KDF1: variants seen among roughly 807,000 people sequenced by gnomAD.
The protein encoded by KDF1 is keratinocyte differentiation factor 1.
In KDF1, 11 loss-of-function variants were observed where a neutral mutation model predicts 31.6. The observed-to-expected ratio is 0.35, with a 90% CI of 0.22 to 0.58. KDF1 has a LOEUF of 0.58. Among genes scored for constraint, KDF1 ranks in the 20% least tolerant of loss-of-function variants. The pLI is 0.83. For synonymous variants in KDF1, 205 were observed against 214.4 expected (o/e 0.96, Z 0.38); for missense variants, 476 against 549.1 (o/e 0.87, Z 1.33).
At chr1:26,953,822 G>C (rs973668934) in intron 1 of KDF1, among the ~76,000 whole-genome samples, 2 of 152,214 alleles carry the variant, frequency 1.3e-5, no homozygotes, top group African/African-American at 4.8e-5. Context: ...GGGCGTGGTG[G>C]TGCACACCTG....
chr1:26,955,911 C>T (rs1363493241), intron 1 of KDF1, among the ~76,000 whole-genome samples: 1 of 152,160 alleles, frequency 6.6e-6, no homozygotes, highest in African/African-American at 2.4e-5. Flanking sequence ...GCCCAGATCG[C>T]ACCACTGCAC....
intron 1 of KDF1, among the ~76,000 whole-genome samples, chr1:26,955,739 G>A (rs552821095): frequency 1.1e-4 from 16 of 152,228 alleles, no homozygotes; most frequent in South Asian, 8.3e-4. Flanking sequence ...GGTGGATCAC[G>A]AGGTCAGGAT....
Position 26,952,232 on chromosome 1 carries a change from G to C in KDF1, c.149C>G (p.Pro50Arg), listed in dbSNP as rs2124158205. ...RRTRRPDPKD[P>R]GHHGPESITF... Reference sequence around the variant, plus strand: ...AATGCTCTCTGGCCCATGGTGGCCAGGGTCCTTGGGGTCTGGTCTACGGGT... The same window carrying C: ...AATGCTCTCTGGCCCATGGTGGCCACGGTCCTTGGGGTCTGGTCTACGGGT... The change falls in exon 2 of 4, where the codon CCT becomes CGT. Residue 50 changes from proline (P) to arginine (R), a missense_variant. By Grantham distance (103) the Pro-to-Arg change is moderately radical. This residue lies in a region of KDF1 where 330 missense variants were observed against 332.3 expected (regional missense o/e 0.99). Transcript: ENST00000320567. This position sits in a 1 kb window ranked among gnomAD's most constrained non-coding sequence, Gnocchi z 4.1. The C allele has an allele frequency of 6.2e-7, 1 of 1,605,278 alleles. No homozygotes were observed. Among genetic ancestry groups the C allele is most frequent in the Non-Finnish European group, 8.5e-7 (1 of 1,174,470 alleles).
In KDF1 at chr1:26,952,252, A is replaced by G. The variant is rs1419802384; in HGVS notation, c.129T>C (p.Arg43=). The G allele has an allele frequency of 1.0e-5, 16 of 1,593,682 alleles. No homozygotes were observed. Among genetic ancestry groups the G allele is most frequent in the Non-Finnish European group, 1.3e-5 (15 of 1,168,344 alleles). ...PPQPPPSRRT[R]RPDPKDPGHH... is the part of the protein sequence containing the mutation. ...GGCCAGGGTCCTTGGGGTCTGGTCT[A>G]CGGGTGCGGCGGCTTGGTGGGGGCT... Residue 43 remains arginine, a synonymous_variant, in exon 2 of 4, where the codon CGT becomes CGC. Transcript: ENST00000320567. This position sits in a 1 kb window ranked among gnomAD's most constrained non-coding sequence, Gnocchi z 4.1.
Position 26,949,969 on chromosome 1 carries a change from T to C in KDF1, c.*100A>G. 8.0e-7 allele frequency: 1 copy of C among 1,256,628 alleles called. No homozygotes were observed. Among genetic ancestry groups the C allele is most frequent in the Non-Finnish European group, 1.1e-6 (1 of 882,296 alleles). The allele number at this position is 1,256,628 out of a possible 1,614,324, so 77.8% of individuals were successfully genotyped here. ...CAGGAGGAGCCAGAGTGGGCACTGC[T>C]TCAGGTCTAAGCCTCTCCCACAGGG... On this transcript the variant is annotated 3_prime_UTR_variant, in exon 4 of 4. Coordinates refer to ENST00000320567, the MANE Select transcript of KDF1 (RefSeq NM_152365.3).
chr1:26,952,080 G>T lies in KDF1; in HGVS notation c.301C>A (p.Arg101Ser). 2 of 1,613,354 alleles carry T rather than the reference G, an allele frequency of 1.2e-6. No homozygotes were observed. Among genetic ancestry groups the T allele is most frequent in the East Asian group, 2.2e-5 (1 of 44,882 alleles). The change falls in exon 2 of 4, where the codon CGC (arginine) becomes AGC (serine). Residue 101 changes from arginine (R) to serine (S), a missense_variant. Arg to Ser is a moderately radical substitution (Grantham distance 110). This residue lies in a region of KDF1 where 330 missense variants were observed against 332.3 expected (regional missense o/e 0.99). Coordinates refer to ENST00000320567, the MANE Select transcript of KDF1 (RefSeq NM_152365.3). This position sits in a 1 kb window ranked among gnomAD's most constrained non-coding sequence, Gnocchi z 4.1. Reference protein sequence around the residue: ...CFRRCRDCLQRCGACVRGCSP... With the variant: ...CFRRCRDCLQSCGACVRGCSP... ...CATCCCCGCACACAGGCTCCACAGC[G>T]CTGGAGGCAATCCCGGCAGCGGCGG...
At position 26,952,102 on chromosome 1, in the gene KDF1, G is replaced by A; in HGVS notation, c.279C>T (p.Arg93=). The change falls in exon 2 of 4, where the codon CGC becomes CGT. Residue 93 remains arginine (R), a synonymous_variant. Coordinates refer to ENST00000320567, the MANE Select transcript of KDF1 (RefSeq NM_152365.3). The surrounding 1 kb of genome is among the most constrained non-coding windows in gnomAD (Gnocchi z 4.1). The part of the protein sequence containing the change: ...WEWCRAAFCF[R]RCRDCLQRCG... ...AGCGCTGGAGGCAATCCCGGCAGCG[G>A]CGGAAGCAGAAGGCAGCCCGGCACC... is the stretch of plus-strand genomic sequence containing the variant. The A allele has an allele frequency of 6.2e-7, 1 of 1,613,310 alleles. No homozygotes were observed. Among genetic ancestry groups the A allele is most frequent in the Middle Eastern group, 1.7e-4 (1 of 6,056 alleles).
chr1:26,954,793 A>G (rs113443127), intron 1 of KDF1, among the ~76,000 whole-genome samples: 1 of 141,802 alleles, frequency 7.1e-6, no homozygotes, highest in Non-Finnish European at 1.5e-5. Flanking sequence ...AGATGGCGCC[A>G]TTGCACTCCA....
intron 1 of KDF1, among the ~76,000 whole-genome samples, chr1:26,955,913 C>T (rs923420277): frequency 1.3e-5 from 2 of 152,202 alleles, no homozygotes; most frequent in Admixed American, 1.3e-4. Flanking sequence ...CCAGATCGCA[C>T]CACTGCACTC....
In KDF1 at chr1:26,950,107, C is replaced by T; in HGVS notation, c.1159G>A (p.Asp387Asn). Residue 387 changes from aspartate to asparagine, a missense_variant, in exon 4 of 4, where the codon GAC becomes AAC. Transcript: ENST00000320567. This position sits in a 1 kb window ranked among gnomAD's most constrained non-coding sequence, Gnocchi z 4.0. Reference sequence around the variant, plus strand: ...TGGAGCAAGGGTGCCCCCGACGAGTCTGTGTCGGTGCCCTGGAAGGATGAG... The same window carrying T: ...TGGAGCAAGGGTGCCCCCGACGAGTTTGTGTCGGTGCCCTGGAAGGATGAG... ...HDSSFQGTDT[D>N]SSGAPLLQVY... 6.2e-7 allele frequency: 1 copy of T among 1,613,938 alleles called. No homozygotes were observed. Among genetic ancestry groups the T allele is most frequent in the Non-Finnish European group, 8.5e-7 (1 of 1,179,892 alleles).
chr1:26,949,953 C>T lies in KDF1; in HGVS notation c.*116G>A, dbSNP rs2082339128. ...ACCCAGTCAGCCAAGGCAGGAGGAG[C>T]CAGAGTGGGCACTGCTTCAGGTCTA... On this transcript the variant is annotated 3_prime_UTR_variant, in exon 4 of 4. Coordinates refer to ENST00000320567, the MANE Select transcript of KDF1 (RefSeq NM_152365.3). 12 of 1,028,822 alleles carry T rather than the reference C, an allele frequency of 1.2e-5. No individual in the cohort carries two copies. Among genetic ancestry groups the T allele is most frequent in the Non-Finnish European group, 1.7e-5 (12 of 692,050 alleles). 63.7% of individuals were successfully genotyped at this position (1,028,822 alleles called of 1,614,324 possible). A position where few individuals can be genotyped will look rare whatever the true frequency, so the allele number is the denominator to read the frequency against.
In KDF1 at chr1:26,950,172, G is replaced by A. The variant is rs1339107134; in HGVS notation, c.1115-21C>T. ...GTACCCTGGTAGGAAGGAGAGGAGA[G>A]GAGGAAACAGGCTCAGGGGAAGGAG... On this transcript the variant is annotated intron_variant, in intron 3 of 3. Coordinates refer to ENST00000320567, the MANE Select transcript of KDF1 (RefSeq NM_152365.3). This position sits in a 1 kb window ranked among gnomAD's most constrained non-coding sequence, Gnocchi z 4.0. 1 of 1,597,838 alleles carries A rather than the reference G, an allele frequency of 6.3e-7. No individual in the cohort carries two copies. The highest frequency in any genetic ancestry group is 8.6e-7 in the Non-Finnish European group (1 of 1,165,676).
intron 1 of KDF1, among the ~76,000 whole-genome samples, chr1:26,954,339 T>C (rs1228292053): frequency 2.6e-5 from 4 of 151,338 alleles, no homozygotes; most frequent in Non-Finnish European, 5.9e-5. Flanking sequence ...TTCTCTTGCC[T>C]CAGCCTCCCA....
chr1:26,952,180 C>T lies in KDF1; in HGVS notation c.201G>A (p.Pro67=), dbSNP rs17162368. The part of the protein sequence containing the change: ...SITFISGSAE[P]ALESPTCCLL... ...GGCAGCAGGTGGGGGACTCAAGGGC[C>T]GGCTCAGCAGAGCCAGAGATGAAGG... is the stretch of plus-strand genomic sequence containing the variant. The change falls in exon 2 of 4, where the codon CCG becomes CCA. Residue 67 remains proline, a synonymous_variant. Transcript: ENST00000320567. This position sits in a 1 kb window ranked among gnomAD's most constrained non-coding sequence, Gnocchi z 4.1. 5.6e-3 allele frequency: 9,085 copies of T among 1,613,304 alleles called. 373 individuals are homozygous for T. The African/African-American group carries it at 0.097, about 17-fold the overall frequency.
intron 1 of KDF1, among the ~76,000 whole-genome samples, chr1:26,955,652 T>C (rs987983075): frequency 3.9e-5 from 6 of 152,156 alleles, no homozygotes; most frequent in African/African-American, 1.4e-4. Context: ...GGAAAACAGA[T>C]GCTTAAAAGT....
chr1:26,952,544 C>T lies in KDF1; in HGVS notation c.-32-132G>A, dbSNP rs1557686841. 1 of 613,952 alleles carries T rather than the reference C, an allele frequency of 1.6e-6. No individual in the cohort carries two copies. Among genetic ancestry groups the T allele is most frequent in the Non-Finnish European group, 2.5e-6 (1 of 393,116 alleles). The allele number at this position is 613,952 out of a possible 1,614,324, so 38.0% of individuals were successfully genotyped here. ...GGATGGACCCAAGTATGCCCAAAAA[C>T]CCTTGCCTGGGATGTGGATGGACCC... is the stretch of plus-strand genomic sequence containing the variant. On this transcript the variant is annotated intron_variant, in intron 1 of 3. Transcript: ENST00000320567. The surrounding 1 kb of genome is among the most constrained non-coding windows in gnomAD (Gnocchi z 4.1).
rs572042783 is a variant in KDF1 at position 26,955,446 on chromosome 1, G to T, written c.-32-3034C>A. On this transcript the variant is annotated intron_variant, in intron 1 of 3. Coordinates refer to ENST00000320567, the MANE Select transcript of KDF1 (RefSeq NM_152365.3). Reference sequence around the variant, plus strand: ...CAACATTTAACACCAACCACTGTTGGTGTCCTTTGATTAGATAAAAAAGCT... The same window carrying T: ...CAACATTTAACACCAACCACTGTTGTTGTCCTTTGATTAGATAAAAAAGCT... Among the ~76,000 whole-genome samples, 35 of 152,234 alleles carry T rather than the reference G, an allele frequency of 2.3e-4. No individual in the cohort carries two copies. In the South Asian group the frequency reaches 7.3e-3, roughly 32 times the overall value.
Position 26,950,179 on chromosome 1 carries a change from A to G in KDF1, c.1115-28T>C. 1 of 1,592,954 alleles carries G rather than the reference A, an allele frequency of 6.3e-7. No individual in the cohort carries two copies. The highest frequency in any genetic ancestry group is 8.6e-7 in the Non-Finnish European group (1 of 1,161,166). ...GGTAGGAAGGAGAGGAGAGGAGGAA[A>G]CAGGCTCAGGGGAAGGAGCTCATCC... On this transcript the variant is annotated intron_variant, in intron 3 of 3. Transcript: ENST00000320567. The surrounding 1 kb of genome is among the most constrained non-coding windows in gnomAD (Gnocchi z 4.0).
chr1:26,950,154 G>A lies in KDF1; in HGVS notation c.1115-3C>T, dbSNP rs748450589. 2.5e-6 allele frequency: 4 copies of A among 1,612,848 alleles called. No individual in the cohort carries two copies. The East Asian group carries it at 6.7e-5, about 27-fold the overall frequency. On this transcript the variant is annotated splice_polypyrimidine_tract_variant and splice_region_variant and intron_variant, in intron 3 of 3. Coordinates refer to ENST00000320567, the MANE Select transcript of KDF1 (RefSeq NM_152365.3). The surrounding 1 kb of genome is among the most constrained non-coding windows in gnomAD (Gnocchi z 4.0). ...TGAGTCATGGCTTGCTGGGTACCCT[G>A]GTAGGAAGGAGAGGAGAGGAGGAAA...
Sources: gnomAD v4.1 joint callset for allele counts (sites outside exome capture counted in the v4.1 genomes callset) on GRCh38, gnomAD v4.1.1 for gene constraint, gnomAD v4.1.1 regional missense constraint, Gnocchi (gnomAD v3.1) non-coding constraint, MANE v1.5 for transcripts, NCBI Gene and HGNC (gene_info 2026-07-23, HGNC 2026-07-21) for gene names.